The following FGF14 variants were observed in gnomAD, a reference collection of about 807,000 sequenced individuals.
FGF14 encodes the protein fibroblast growth factor homologous factor 4.
FGF14 carries 5 observed loss-of-function variants against 25.5 expected under a neutral mutation model. The observed-to-expected ratio is 0.20, with a 90% CI of 0.10 to 0.41. The LOEUF (loss-of-function observed/expected upper bound fraction) is 0.41, where lower values mean the gene tolerates loss of function less well. Among genes scored for constraint, FGF14 ranks in the 10% least tolerant of loss-of-function variants. FGF14 has a pLI of 1.00. For missense variants in FGF14, 222 were observed against 320.1 expected (o/e 0.69, Z 2.34); for synonymous variants, 138 against 118.3 (o/e 1.17, Z -1.08).
intron 1 of FGF14, among the ~76,000 whole-genome samples, chr13:102,208,628 A>G (rs956899026): frequency 1.3e-5 from 2 of 152,180 alleles, no homozygotes; most frequent in Non-Finnish European, 2.9e-5. Context: ...CACATCTTTA[A>G]CTACAACATA....
At chr13:102,005,945 G>C (rs1261298549) in intron 1 of FGF14, among the ~76,000 whole-genome samples, 1 of 152,036 alleles carries the variant, frequency 6.6e-6, no homozygotes, top group Non-Finnish European at 1.5e-5. Flanking sequence ...CAATTATGTA[G>C]GGTGTTTGTA....
At chr13:101,963,724 T>A (rs1465402303) in intron 1 of FGF14, among the ~76,000 whole-genome samples, 1 of 152,228 alleles carries the variant, frequency 6.6e-6, no homozygotes, top group Non-Finnish European at 1.5e-5. Flanking sequence ...CATTCTGTGT[T>A]CACAATGAAT....
intron 1 of FGF14, among the ~76,000 whole-genome samples, chr13:102,139,105 G>T (rs9585852): frequency 0.052 from 7,988 of 152,218 alleles, 737 homozygotes; most frequent in African/African-American, 0.18. Context: ...AGGCAGAGAT[G>T]GTTGCCCTTG....
chr13:102,070,648 T>C (rs1273202990), intron 1 of FGF14, among the ~76,000 whole-genome samples: 1 of 152,210 alleles, frequency 6.6e-6, no homozygotes, highest in Non-Finnish European at 1.5e-5. Flanking sequence ...CATCATCAGA[T>C]GAATGAAGAA....
intron 1 of FGF14, among the ~76,000 whole-genome samples, chr13:101,959,091 A>G (rs2036683212): frequency 6.6e-6 from 1 of 152,200 alleles, no homozygotes; most frequent in Admixed American, 6.5e-5. Context: ...GTTTCACTGC[A>G]GATCATCAGG....
intron 1 of FGF14, among the ~76,000 whole-genome samples, chr13:102,141,061 T>C (rs910093749): frequency 6.6e-6 from 1 of 152,246 alleles, no homozygotes; most frequent in Non-Finnish European, 1.5e-5. Context: ...TAAACATGGC[T>C]ACCAATAGTT....
chr13:101,748,056 G>T (rs1258128837), intron 3 of FGF14, among the ~76,000 whole-genome samples: 1 of 151,862 alleles, frequency 6.6e-6, no homozygotes, highest in African/African-American at 2.4e-5. Flanking sequence ...AAAACAGTAC[G>T]GAGATATCTC....
intron 3 of FGF14, chr13:101,868,270 G>A (rs1487507897): frequency 2.1e-5 from 4 of 191,168 alleles, no homozygotes; most frequent in Admixed American, 1.1e-4. Flanking sequence ...AAAACACAGA[G>A]GCTTGCAAGA....
chr13:102,141,870 A>AT (rs2046657249), intron 1 of FGF14, among the ~76,000 whole-genome samples: 1 of 152,232 alleles, frequency 6.6e-6, no homozygotes, highest in Admixed American at 6.5e-5. Context: ...ACAAAATTCC[A>AT]TATTTTGGAA....
chr13:101,835,049 T>C (rs1167976232), intron 3 of FGF14, among the ~76,000 whole-genome samples: 1 of 152,084 alleles, frequency 6.6e-6, no homozygotes, highest in East Asian at 1.9e-4. Context: ...TTGTAAATCA[T>C]GACAAAGGAT....
intron 1 of FGF14, among the ~76,000 whole-genome samples, chr13:102,236,996 G>A (rs896536367): frequency 7.9e-5 from 12 of 152,088 alleles, no homozygotes; most frequent in African/African-American, 2.7e-4. Context: ...AGAGGGGGCC[G>A]CACTAGGTCC....
chr13:101,941,854 A>G (rs1393095535), intron 1 of FGF14, among the ~76,000 whole-genome samples: 1 of 152,146 alleles, frequency 6.6e-6, no homozygotes, highest in Admixed American at 6.5e-5. Context: ...TTGGCGAGTA[A>G]TTGTTTTAAA....
chr13:101,863,153 T>C lies in FGF14; in HGVS notation c.408+5572A>G, dbSNP rs572706080. On this transcript the variant is annotated intron_variant, in intron 3 of 4. Transcript: ENST00000376143. Reference sequence around the variant, plus strand: ...TAATAATTGGAGACATTAATAATCATCTCAAGTTTAATATACTTTTTATGA... The same window carrying C: ...TAATAATTGGAGACATTAATAATCACCTCAAGTTTAATATACTTTTTATGA... Among the ~76,000 whole-genome samples, 22 of 152,248 alleles carry C rather than the reference T, an allele frequency of 1.4e-4. No homozygotes were observed. The South Asian group carries it at 4.6e-3, about 32-fold the overall frequency.
intron 1 of FGF14, among the ~76,000 whole-genome samples, chr13:102,116,355 GGTGTGTGTGTGCGTAGTATA>G (rs1289318356): frequency 6.6e-6 from 1 of 151,760 alleles, no homozygotes; most frequent in Non-Finnish European, 1.5e-5. Context: ...TACTCCTAGG[GGTGTGTGTGTGCGTAGTATA>G]GTGTGTGTGT....
At chr13:102,399,788 T>C (rs573683741) in intron 1 of FGF14, among the ~76,000 whole-genome samples, 1 of 151,618 alleles carries the variant, frequency 6.6e-6, no homozygotes, top group Admixed American at 6.5e-5. Context: ...ATGGGGTGAA[T>C]AGAAACGGTG....
chr13:101,839,157 C>T (rs2043077955), intron 3 of FGF14, among the ~76,000 whole-genome samples: 1 of 152,018 alleles, frequency 6.6e-6, no homozygotes, highest in Admixed American at 6.6e-5. Flanking sequence ...ATAATTTTAA[C>T]ACCCATTTCA....
intron 3 of FGF14, among the ~76,000 whole-genome samples, chr13:101,845,978 T>G (rs972258947): frequency 2.6e-5 from 4 of 151,966 alleles, no homozygotes; most frequent in Admixed American, 1.3e-4. Context: ...AACTATATAT[T>G]TCCAATATTT....
intron 1 of FGF14, among the ~76,000 whole-genome samples, chr13:101,892,076 T>C (rs988183586): frequency 2.6e-5 from 4 of 152,092 alleles, no homozygotes; most frequent in African/African-American, 7.2e-5. Context: ...AGATTACCAA[T>C]AGCTAATTTT....
chr13:102,394,454 G>T (rs570622418), intron 1 of FGF14: 8 of 152,468 alleles, frequency 5.2e-5, no homozygotes, highest in African/African-American at 1.9e-4. Context: ...AGGAGCCCTA[G>T]CCCCGACCCG....
Sources: allele counts gnomAD v4.1 joint callset (sites outside exome capture counted in the v4.1 genomes callset), GRCh38; gene constraint gnomAD v4.1.1; transcripts MANE v1.5; gene names NCBI Gene and HGNC (gene_info 2026-07-23, HGNC 2026-07-21).